The following ARHGEF26 variants were observed in gnomAD, a reference collection of about 807,000 sequenced individuals.
ARHGEF26 encodes Rho guanine nucleotide exchange factor 26.
ARHGEF26 carries 59 observed loss-of-function variants against 89.4 expected under a neutral mutation model. The observed-to-expected ratio is 0.66, with a 90% CI of 0.54 to 0.82. The LOEUF (loss-of-function observed/expected upper bound fraction) is 0.82. Among genes scored for constraint, ARHGEF26 ranks in the 40% least tolerant of loss-of-function variants. The pLI, the probability that ARHGEF26 is intolerant of heterozygous loss-of-function variation, is 0.00. For missense variants in ARHGEF26, 1,234 were observed against 1,085.6 expected (o/e 1.14, Z -1.92); for synonymous variants, 500 against 428.4 (o/e 1.17, Z -2.06).
intron 9 of ARHGEF26, among the ~76,000 whole-genome samples, chr3:154,204,494 T>C (rs1470895674): frequency 2.0e-5 from 3 of 151,794 alleles, no homozygotes; most frequent in African/African-American, 7.3e-5. Flanking sequence ...GCCTGGCTAA[T>C]TTTTGTATTA....
intron 9 of ARHGEF26, among the ~76,000 whole-genome samples, chr3:154,195,433 G>A (rs1036241353): frequency 6.6e-6 from 1 of 152,166 alleles, no homozygotes; most frequent in African/African-American, 2.4e-5. Context: ...TGATAGTGGT[G>A]ATGGGGCCAG....
chr3:154,242,143 T>C (rs185793296), intron 12 of ARHGEF26, among the ~76,000 whole-genome samples: 61 of 152,316 alleles, frequency 4.0e-4, no homozygotes, highest in African/African-American at 1.5e-3. Flanking sequence ...AGCTGTAGCA[T>C]ATTCCAAATG....
intron 8 of ARHGEF26, 87 bp from the exon 9 acceptor site, chr3:154,194,557 A>G: frequency 4.3e-6 from 4 of 923,818 alleles, no homozygotes; most frequent in East Asian, 2.6e-5. Flanking sequence ...ATTGTTTGCT[A>G]TGAGTAAAAG....
chr3:154,206,659 A>G (rs1309341725), intron 9 of ARHGEF26, among the ~76,000 whole-genome samples: 1 of 152,240 alleles, frequency 6.6e-6, no homozygotes, highest in East Asian at 1.9e-4. Context: ...GATGGGAAGA[A>G]TTAGTATCTT....
intron 3 of ARHGEF26, 83 bp from the exon 4 acceptor site, chr3:154,129,491 T>G: frequency 7.0e-7 from 1 of 1,420,906 alleles, no homozygotes; most frequent in Non-Finnish European, 9.5e-7. Context: ...AGGCCAAACA[T>G]TGGGTACATA....
rs1718611288 is a variant in ARHGEF26 at position 154,257,762 on chromosome 3, A to G, written c.*2289A>G. On this transcript the variant is annotated 3_prime_UTR_variant, in exon 15 of 15. Transcript: ENST00000465093. ...CAAAAATGTTCATTTTTGTCCCAGT[A>G]AATTGAGACTGCTTGTACACTTTCA... The G allele has an allele frequency of 2.0e-5, 3 of 152,212 alleles. No homozygotes were observed. The highest frequency in any genetic ancestry group is 2.0e-4 in the Admixed American group (3 of 15,276). The allele number at this position is 152,212 out of a possible 1,614,324, so 9.4% of individuals were successfully genotyped here.
At chr3:154,229,178 C>A (rs984159206) in intron 11 of ARHGEF26, among the ~76,000 whole-genome samples, 1 of 152,074 alleles carries the variant, frequency 6.6e-6, no homozygotes, top group Non-Finnish European at 1.5e-5. Context: ...TTTTTTAGAA[C>A]ATTAAAAACA....
intron 11 of ARHGEF26, among the ~76,000 whole-genome samples, chr3:154,227,356 C>T (rs1046115883): frequency 2.1e-5 from 3 of 145,582 alleles, no homozygotes; most frequent in Non-Finnish European, 3.0e-5. Flanking sequence ...AGTGCAGTGG[C>T]GTGATCTCGG....
chr3:154,174,945 G>A (rs1712705802), intron 6 of ARHGEF26, among the ~76,000 whole-genome samples: 1 of 152,094 alleles, frequency 6.6e-6, no homozygotes. Context: ...AAAGAAAAAT[G>A]ATGGAGACTA....
At chr3:154,162,389 A>G (rs1711718158) in intron 6 of ARHGEF26, among the ~76,000 whole-genome samples, 1 of 152,214 alleles carries the variant, frequency 6.6e-6, no homozygotes, top group South Asian at 2.1e-4. Flanking sequence ...TGTTGCCTCT[A>G]ATTGCTGTGC....
In ARHGEF26 at chr3:154,180,453, T is replaced by C. The variant is rs554422285; in HGVS notation, c.1488-7232T>C. Among the ~76,000 whole-genome samples, 53 of 151,384 alleles carry C rather than the reference T, an allele frequency of 3.5e-4. 1 individual carries two copies. The South Asian group carries it at 0.011, about 31-fold the overall frequency. On this transcript the variant is annotated intron_variant, in intron 6 of 14. Transcript: ENST00000465093. ...ATTACGCTAAGGCCAAGGACAGTGT[T>C]TGCATGTAAAGAAATGTTCCACCAC... is the stretch of plus-strand genomic sequence containing the variant.
At chr3:154,139,844 T>G (rs1308967387) in intron 4 of ARHGEF26, among the ~76,000 whole-genome samples, 4 of 152,248 alleles carry the variant, frequency 2.6e-5, no homozygotes, top group Non-Finnish European at 5.9e-5. Context: ...ATGTTTATTA[T>G]CTATATTTCT....
intron 11 of ARHGEF26, among the ~76,000 whole-genome samples, chr3:154,227,278 G>A (rs954172102): frequency 1.3e-5 from 2 of 148,624 alleles, no homozygotes; most frequent in Non-Finnish European, 3.0e-5. Context: ...AATAGTTCTA[G>A]CAGCTAAGTA....
At position 154,243,140 on chromosome 3, in the gene ARHGEF26, ATT is replaced by A. The variant is rs753779918; in HGVS notation, c.2300+2565_2300+2566del. ...TGGGGAAACTTCTCCTCAAAACAGA[ATT>A]TTTAGTATGCCTGTGCTTTGGATTT... On this transcript the variant is annotated intron_variant, in intron 12 of 14. Transcript: ENST00000465093. Among the ~76,000 whole-genome samples, 7 of 152,268 alleles carry A rather than the reference ATT, an allele frequency of 4.6e-5. No individual in the cohort carries two copies. In the South Asian group the frequency reaches 1.4e-3, roughly 32 times the overall value.
At chr3:154,233,076 C>G (rs1287551861) in intron 11 of ARHGEF26, among the ~76,000 whole-genome samples, 1 of 151,460 alleles carries the variant, frequency 6.6e-6, no homozygotes, top group Non-Finnish European at 1.5e-5. Context: ...CGTGATCCAC[C>G]TGCCTTTGCC....
chr3:154,234,199 G>A (rs576585827), intron 11 of ARHGEF26, among the ~76,000 whole-genome samples: 2 of 152,250 alleles, frequency 1.3e-5, no homozygotes, highest in South Asian at 4.2e-4. Context: ...GTGGGTTGTG[G>A]GAAAGCTGGC....
Position 154,224,103 on chromosome 3 carries a change from A to G in ARHGEF26, c.1936-1753A>G, listed in dbSNP as rs1295877775. Among the ~76,000 whole-genome samples the G allele has an allele frequency of 2.0e-5, 3 of 152,252 alleles. No individual in the cohort carries two copies. In the East Asian group the frequency reaches 5.8e-4, roughly 29 times the overall value. On this transcript the variant is annotated intron_variant, in intron 10 of 14. Coordinates refer to ENST00000465093, the MANE Select transcript of ARHGEF26 (RefSeq NM_015595.4). ...TTCTTTTCTAGTTTCTGGTTCACAC[A>G]TGGATTCTAGTCTCAGCATTTCCTT...
intron 11 of ARHGEF26, among the ~76,000 whole-genome samples, chr3:154,228,013 C>T (rs1281232088): frequency 6.6e-6 from 1 of 152,188 alleles, no homozygotes; most frequent in African/African-American, 2.4e-5. Flanking sequence ...TGCTCTTCTA[C>T]TTAGTAGCGT....
intron 5 of ARHGEF26, among the ~76,000 whole-genome samples, chr3:154,150,948 T>A (rs558190532): frequency 6.6e-5 from 10 of 152,352 alleles, no homozygotes; most frequent in African/African-American, 2.4e-4. Flanking sequence ...CTTATTATAA[T>A]AAACTGCCAA....
Sources: gnomAD v4.1 joint callset for allele counts (sites outside exome capture counted in the v4.1 genomes callset) on GRCh38, gnomAD v4.1.1 for gene constraint, MANE v1.5 for transcripts, NCBI Gene and HGNC (gene_info 2026-07-23, HGNC 2026-07-21) for gene names.